The following SNX29 variants were observed in gnomAD, a reference collection of about 807,000 sequenced individuals.
SNX29 encodes the protein sorting nexin-29.
Under a neutral mutation model 102.1 loss-of-function variants are expected in SNX29, and 78 were observed. The observed-to-expected ratio is 0.76, with a 90% CI of 0.64 to 0.92. The LOEUF (loss-of-function observed/expected upper bound fraction) is 0.92, where lower values mean the gene tolerates loss of function less well. Among genes scored for constraint, SNX29 ranks in the 40% least tolerant of loss-of-function variants. SNX29 has a pLI of 0.00. For missense variants in SNX29, 1,280 were observed against 1,061.7 expected, an observed-to-expected ratio of 1.21 and a Z score of -2.86; for synonymous variants, 580 against 414.5, an observed-to-expected ratio of 1.40 and a Z score of -4.85.
At chr16:12,090,660 C>G (rs893922673) in intron 11 of SNX29, among the ~76,000 whole-genome samples, 2 of 152,176 alleles carry the variant, frequency 1.3e-5, no homozygotes, top group Non-Finnish European at 2.9e-5. Flanking sequence ...CTTCACATAT[C>G]AAATCCATCC....
At chr16:12,211,375 G>T (rs1271218321) in intron 14 of SNX29, among the ~76,000 whole-genome samples, 1 of 152,122 alleles carries the variant, frequency 6.6e-6, no homozygotes, top group Non-Finnish European at 1.5e-5. Context: ...TCTGTTCATT[G>T]GGTACCTGTA....
At chr16:12,393,229 G>A (rs188318147) in intron 16 of SNX29, among the ~76,000 whole-genome samples, 2 of 152,252 alleles carry the variant, frequency 1.3e-5, no homozygotes. Flanking sequence ...TGAGAACCTG[G>A]TAATTAGAAG....
rs1003201461 is a variant in SNX29, at chr16:12,408,136, G to A, written c.2037+4607G>A. On this transcript the variant is annotated intron_variant, in intron 18 of 20. Coordinates refer to ENST00000566228, the MANE Select transcript of SNX29 (RefSeq NM_032167.5). ...TAATGCCACTGCCACTCCGGCCTGG[G>A]TGGCAGAGCAGGACCCTTCTCAAAA... Among the ~76,000 whole-genome samples the A allele has an allele frequency of 4.7e-5, 7 of 149,390 alleles. No homozygotes were observed. In the South Asian group the frequency reaches 1.5e-3, roughly 32 times the overall value.
intron 18 of SNX29, among the ~76,000 whole-genome samples, chr16:12,422,987 A>C (rs2084928504): frequency 1.3e-5 from 2 of 152,206 alleles, no homozygotes; most frequent in African/African-American, 4.8e-5. Flanking sequence ...CACCCTGTCT[A>C]CTTCATTATA....
At chr16:12,497,084 C>G (rs3960201) in intron 19 of SNX29, among the ~76,000 whole-genome samples, 6,223 of 152,156 alleles carry the variant, frequency 0.041, 305 homozygotes, top group East Asian at 0.23. Flanking sequence ...TCTCAGCAGT[C>G]GGGACCTGCC....
intron 15 of SNX29, among the ~76,000 whole-genome samples, chr16:12,299,493 G>C (rs1000941465): frequency 2.0e-5 from 3 of 152,130 alleles, no homozygotes; most frequent in Non-Finnish European, 4.4e-5. Context: ...AGGTGTTCTA[G>C]GCCCTTCTTG....
rs1013479349 is a variant in SNX29, at chr16:12,545,021, G to C, written c.2318+20180G>C. Among the ~76,000 whole-genome samples, 13 of 152,162 alleles carry C rather than the reference G, an allele frequency of 8.5e-5. No individual in the cohort carries two copies. The East Asian group carries it at 2.5e-3, about 29-fold the overall frequency. On this transcript the variant is annotated intron_variant, in intron 20 of 20. Coordinates refer to ENST00000566228, the MANE Select transcript of SNX29 (RefSeq NM_032167.5). ...CACAGCTAGGAAGCAGCAGATGTCG[G>C]CTTCAGTAGCCAGGTCTGTGATGCC...
intron 19 of SNX29, among the ~76,000 whole-genome samples, chr16:12,513,650 G>A (rs1042753474): frequency 2.0e-5 from 3 of 152,156 alleles, no homozygotes; most frequent in African/African-American, 4.8e-5. Flanking sequence ...GGAGCCTCAG[G>A]ACCTTCCTCA....
chr16:12,525,704 C>CT (rs900387392), intron 20 of SNX29, among the ~76,000 whole-genome samples: 2 of 127,468 alleles, frequency 1.6e-5, no homozygotes, highest in Non-Finnish European at 3.3e-5. Context: ...CCCCACCCCC[C>CT]CCCCCAAAAA....
Position 12,251,031 on chromosome 16 carries a change from C to G in SNX29, c.1679-26902C>G, listed in dbSNP as rs145564481. Among the ~76,000 whole-genome samples the G allele has an allele frequency of 2.8e-3, 432 of 152,352 alleles. 6 individuals are homozygous for G. The highest frequency in any genetic ancestry group is 9.5e-3 in the African/African-American group (397 of 41,590). ...CCTTCTTCACCTTCAGGGCCCTGCC[C>G]TCTGGGCTGCGGGCCATGTGGCCAG... is the stretch of plus-strand genomic sequence containing the variant. On this transcript the variant is annotated intron_variant, in intron 14 of 20. Transcript: ENST00000566228.
intron 20 of SNX29, among the ~76,000 whole-genome samples, chr16:12,541,130 G>C (rs1004741964): frequency 3.3e-5 from 5 of 152,062 alleles, no homozygotes; most frequent in African/African-American, 4.8e-5. Context: ...GGAGACACAG[G>C]GGGAGGTGAC....
intron 19 of SNX29, among the ~76,000 whole-genome samples, chr16:12,489,163 G>C (rs2088407422): frequency 6.6e-6 from 1 of 152,030 alleles, no homozygotes; most frequent in East Asian, 1.9e-4. Flanking sequence ...AGTAGTTGGA[G>C]AATAATTGCT....
chr16:12,561,905 C>T (rs774250980), intron 20 of SNX29, among the ~76,000 whole-genome samples: 4 of 152,152 alleles, frequency 2.6e-5, no homozygotes, highest in Non-Finnish European at 4.4e-5. Flanking sequence ...CCCAGGAGTT[C>T]CTTCTCCAGT....
chr16:12,186,634 A>G (rs2076517539), intron 13 of SNX29, among the ~76,000 whole-genome samples: 1 of 152,220 alleles, frequency 6.6e-6, no homozygotes. Context: ...GATCCAGTCC[A>G]GGATCAGGCA....
At position 12,570,023 on chromosome 16, in the gene SNX29, G is replaced by C. The variant is rs541957458; in HGVS notation, c.*1394G>C. ...GGCTTAAAATGAGAACTGCCCAGGT[G>C]AGCATGGAGCATCTCCTAGGCTCGA... On this transcript the variant is annotated 3_prime_UTR_variant, in exon 21 of 21. Coordinates refer to ENST00000566228, the MANE Select transcript of SNX29 (RefSeq NM_032167.5). The C allele has an allele frequency of 3.5e-4, 119 of 336,674 alleles. 1 individual carries two copies. The highest frequency in any genetic ancestry group is 2.2e-3 in the African/African-American group (106 of 47,282). The allele number at this position is 336,674 out of a possible 1,614,324, so 20.9% of individuals were successfully genotyped here. A position where few individuals can be genotyped will look rare whatever the true frequency, so the allele number is the denominator to read the frequency against.
intron 20 of SNX29, among the ~76,000 whole-genome samples, chr16:12,568,004 T>C (rs765679546): frequency 3.0e-4 from 46 of 152,154 alleles, no homozygotes; most frequent in Non-Finnish European, 5.4e-4. Flanking sequence ...TTAAACACAA[T>C]ACCATGCCAA....
At chr16:12,087,679 G>C (rs182060062) in intron 11 of SNX29, 1 of 363,590 alleles carries the variant, frequency 2.8e-6, no homozygotes, top group Admixed American at 3.6e-5. Context: ...AGTTATCCTG[G>C]GCTTTACAGC....
chr16:12,384,119 T>C (rs1315028205), intron 16 of SNX29, among the ~76,000 whole-genome samples: 4 of 152,264 alleles, frequency 2.6e-5, no homozygotes, highest in Admixed American at 6.5e-5. Context: ...CCCATTCATC[T>C]GTTGGTGGAC....
intron 19 of SNX29, among the ~76,000 whole-genome samples, chr16:12,506,309 C>G (rs1391706273): frequency 6.6e-6 from 1 of 152,006 alleles, no homozygotes; most frequent in African/African-American, 2.4e-5. Context: ...GGACAACACC[C>G]TAAAAAAAAA....
Sources: gnomAD v4.1 joint callset for allele counts (sites outside exome capture counted in the v4.1 genomes callset) on GRCh38, gnomAD v4.1.1 for gene constraint, MANE v1.5 for transcripts, NCBI Gene and HGNC (gene_info 2026-07-23, HGNC 2026-07-21) for gene names.